LRRTM3: variants seen among roughly 807,000 people sequenced by gnomAD.
LRRTM3 encodes the protein leucine-rich repeat transmembrane neuronal protein 3.
Under a neutral mutation model 44.7 loss-of-function variants are expected in LRRTM3, and 24 were observed. The ratio of observed to expected loss-of-function variants is 0.54; its 90% confidence interval spans 0.39 to 0.76. LRRTM3 has a LOEUF of 0.76. LRRTM3 is among the 30% of genes least tolerant of loss of function. The pLI, the probability that LRRTM3 is intolerant of heterozygous loss-of-function variation, is 0.00. For synonymous variants in LRRTM3, 277 were observed against 278.7 expected (o/e 0.99, Z 0.06); for missense variants, 587 against 702.2 (o/e 0.84, Z 1.85).
At chr10:67,021,900 T>C (rs73326981) in intron 2 of LRRTM3, among the ~76,000 whole-genome samples, 1,557 of 152,278 alleles carry the variant, frequency 0.01, 26 homozygotes, top group African/African-American at 0.035. Flanking sequence ...AAAAGAAGGA[T>C]GCAGACTTAG....
At position 67,031,385 on chromosome 10, in the gene LRRTM3, C is replaced by T. The variant is rs1404555094; in HGVS notation, c.1537-66202C>T. Reference sequence around the variant, plus strand: ...CAGTGTCAGATCTAAGAATATCATTCTTCGTCTTCACTTCTGGCTACATTA... The same window carrying T: ...CAGTGTCAGATCTAAGAATATCATTTTTCGTCTTCACTTCTGGCTACATTA... On this transcript the variant is annotated intron_variant, in intron 2 of 2. Coordinates refer to ENST00000361320, the MANE Select transcript of LRRTM3 (RefSeq NM_178011.5). Among the ~76,000 whole-genome samples, 3 of 152,124 alleles carry T rather than the reference C, an allele frequency of 2.0e-5. No homozygotes were observed. In the East Asian group the frequency reaches 5.8e-4, roughly 29 times the overall value.
chr10:66,966,040 C>T (rs1425581341), intron 2 of LRRTM3, among the ~76,000 whole-genome samples: 1 of 152,150 alleles, frequency 6.6e-6, no homozygotes, highest in Non-Finnish European at 1.5e-5. Context: ...GAGTCTTTTG[C>T]TTCCTTCACT....
intron 2 of LRRTM3, among the ~76,000 whole-genome samples, chr10:66,999,139 A>G (rs534415177): frequency 6.6e-6 from 1 of 152,250 alleles, no homozygotes; most frequent in South Asian, 2.1e-4. Context: ...AGATATTTGT[A>G]CTACTTTTAT....
At chr10:66,944,464 C>A (rs932702223) in intron 2 of LRRTM3, among the ~76,000 whole-genome samples, 12 of 152,160 alleles carry the variant, frequency 7.9e-5, no homozygotes, top group African/African-American at 2.9e-4. Flanking sequence ...CAAAGTCATC[C>A]ATGAGGGTTG....
chr10:67,086,164 T>G (rs1044372790), intron 2 of LRRTM3, among the ~76,000 whole-genome samples: 2 of 152,022 alleles, frequency 1.3e-5, no homozygotes, highest in Admixed American at 1.3e-4. Context: ...CAGTATATTT[T>G]TTTTCATACT....
intron 2 of LRRTM3, among the ~76,000 whole-genome samples, chr10:66,975,826 A>G (rs548926566): frequency 6.6e-6 from 1 of 152,288 alleles, no homozygotes; most frequent in South Asian, 2.1e-4. Flanking sequence ...TTGGTATTTT[A>G]AACTCCATTA....
intron 2 of LRRTM3, among the ~76,000 whole-genome samples, chr10:67,010,888 A>G (rs1852282092): frequency 6.6e-6 from 1 of 152,206 alleles, no homozygotes. Flanking sequence ...TATGGTTAAC[A>G]TTATTTCTTC....
At chr10:66,944,886 G>A (rs117945094) in intron 2 of LRRTM3, among the ~76,000 whole-genome samples, 4,376 of 152,244 alleles carry the variant, frequency 0.029, 102 homozygotes, top group Non-Finnish European at 0.043. Flanking sequence ...ACTTTGAAAG[G>A]AATCTTTTTT....
chr10:67,087,417 TA>T (rs1195206602), intron 2 of LRRTM3, among the ~76,000 whole-genome samples: 2 of 151,976 alleles, frequency 1.3e-5, no homozygotes. Flanking sequence ...TTGCAATTTA[TA>T]GGGGGAAAAT....
intron 2 of LRRTM3, among the ~76,000 whole-genome samples, chr10:67,019,644 C>G (rs1165965131): frequency 6.6e-6 from 1 of 152,164 alleles, no homozygotes; most frequent in African/African-American, 2.4e-5. Flanking sequence ...CAGTGTGAGT[C>G]ATTGATATAG....
chr10:66,946,104 A>G (rs1848259423), intron 2 of LRRTM3, among the ~76,000 whole-genome samples: 1 of 152,192 alleles, frequency 6.6e-6, no homozygotes, highest in African/African-American at 2.4e-5. Context: ...GACTTGCTTG[A>G]AACAGGGTTG....
chr10:66,980,650 C>T (rs1329249048), intron 2 of LRRTM3, among the ~76,000 whole-genome samples: 1 of 152,202 alleles, frequency 6.6e-6, no homozygotes, highest in Non-Finnish European at 1.5e-5. Context: ...GCCCGCAATT[C>T]TGTTGAAATA....
intron 2 of LRRTM3, among the ~76,000 whole-genome samples, chr10:67,069,826 T>C (rs1382704307): frequency 2.0e-5 from 3 of 152,166 alleles, no homozygotes; most frequent in Non-Finnish European, 2.9e-5. Flanking sequence ...TAAGGACCCA[T>C]TGATGAGCAT....
intron 2 of LRRTM3, among the ~76,000 whole-genome samples, chr10:67,075,420 G>C (rs1031298439): frequency 3.3e-5 from 5 of 152,156 alleles, no homozygotes; most frequent in African/African-American, 1.2e-4. Flanking sequence ...AGAGGTAAAT[G>C]AGAGCAGAGT....
intron 2 of LRRTM3, among the ~76,000 whole-genome samples, chr10:67,027,673 C>T (rs973462239): frequency 7.9e-5 from 12 of 151,912 alleles, no homozygotes; most frequent in African/African-American, 2.9e-4. Context: ...TTGACCTTGT[C>T]ATCCACTGGC....
chr10:67,001,826 A>C (rs1204585668), intron 2 of LRRTM3, among the ~76,000 whole-genome samples: 1 of 152,166 alleles, frequency 6.6e-6, no homozygotes, highest in Non-Finnish European at 1.5e-5. Flanking sequence ...GTTTCTACTG[A>C]CTGTATCTCT....
intron 2 of LRRTM3, among the ~76,000 whole-genome samples, chr10:67,004,585 C>T (rs1851868858): frequency 6.6e-6 from 1 of 151,994 alleles, no homozygotes; most frequent in Admixed American, 6.6e-5. Context: ...TTGCCTGTAA[C>T]CTTGATCCGT....
intron 2 of LRRTM3, among the ~76,000 whole-genome samples, chr10:67,072,411 T>C (rs183098320): frequency 6.6e-6 from 1 of 152,372 alleles, no homozygotes; most frequent in African/African-American, 2.4e-5. Context: ...TTATTTGTCA[T>C]GTAGTTTCAC....
At chr10:66,933,127 G>A (rs1847501848) in intron 2 of LRRTM3, among the ~76,000 whole-genome samples, 1 of 152,160 alleles carries the variant, frequency 6.6e-6, no homozygotes, top group Non-Finnish European at 1.5e-5. Flanking sequence ...GATACTGAGT[G>A]GGGTTTGTTG....
Sources: gnomAD v4.1 joint callset for allele counts (sites outside exome capture counted in the v4.1 genomes callset) on GRCh38, gnomAD v4.1.1 for gene constraint, MANE v1.5 for transcripts, NCBI Gene and HGNC (gene_info 2026-07-23, HGNC 2026-07-21) for gene names.